Variants in CBLN2 observed in about 807,000 individuals in gnomAD.
CBLN2 encodes the protein cerebellin-2.
A neutral mutation model predicts 15.0 loss-of-function variants in CBLN2; 7 were observed. The ratio of observed to expected loss-of-function variants is 0.47; its 90% CI spans 0.27 to 0.88. The LOEUF is 0.88. Among genes scored for constraint, CBLN2 ranks in the 40% least tolerant of loss-of-function variants. The pLI is 0.14. For synonymous variants in CBLN2, 149 were observed against 135.2 expected, an observed-to-expected ratio of 1.10 and a Z score of -0.71; for missense variants, 242 against 304.5, an observed-to-expected ratio of 0.79 and a Z score of 1.53.
At chr18:72,583,387 G>T (rs1454661520) in intron 1 of CBLN2, among the ~76,000 whole-genome samples, 5 of 151,930 alleles carry the variant, frequency 3.3e-5, no homozygotes, top group Non-Finnish European at 5.9e-5. Context: ...TCTCACCCAC[G>T]CCCAGTCCCT....
rs563077022 is a variant in CBLN2, at chr18:72,555,296, C to T, written c.16-16524G>A. Reference sequence around the variant, plus strand: ...GTCAGAGATCTCAGAGTGCATGCATCTACTTTCAATATGTGTTCAAAAGTC... The same window carrying T: ...GTCAGAGATCTCAGAGTGCATGCATTTACTTTCAATATGTGTTCAAAAGTC... On this transcript the variant is annotated intron_variant, in intron 1 of 2. Coordinates refer to the CBLN2 transcript ENST00000581073. 5.3e-5 allele frequency among the ~76,000 whole-genome samples: 8 copies of T among 152,220 alleles called. No individual in the cohort carries two copies. In the South Asian group the frequency reaches 1.7e-3, roughly 32 times the overall value.
At chr18:72,558,380 G>A (rs1396204340) in intron 1 of CBLN2, among the ~76,000 whole-genome samples, 3 of 152,108 alleles carry the variant, frequency 2.0e-5, no homozygotes, top group East Asian at 3.9e-4. Flanking sequence ...CTCCACACTG[G>A]GTCTGTCCTG....
intron 1 of CBLN2, among the ~76,000 whole-genome samples, chr18:72,590,219 G>C (rs1276790131): frequency 6.6e-6 from 1 of 151,762 alleles, no homozygotes; most frequent in African/African-American, 2.4e-5. Flanking sequence ...GAGCTGAGAT[G>C]GCGCCACTGC....
intron 1 of CBLN2, among the ~76,000 whole-genome samples, chr18:72,554,467 A>C (rs569601776): frequency 6.6e-6 from 1 of 152,266 alleles, no homozygotes; most frequent in South Asian, 2.1e-4. Context: ...TAAGTTCTGG[A>C]GTTTAGAATT....
chr18:72,622,739 A>C (rs1176774332), intron 1 of CBLN2, among the ~76,000 whole-genome samples: 1 of 152,180 alleles, frequency 6.6e-6, no homozygotes, highest in Non-Finnish European at 1.5e-5. Flanking sequence ...CTTTGAGATC[A>C]CTTTTGATCA....
At chr18:72,618,675 G>C in intron 1 of CBLN2, 1 of 770,116 alleles carries the variant, frequency 1.3e-6, no homozygotes, top group Middle Eastern at 3.8e-4. Flanking sequence ...TTGAACTCAT[G>C]ACCGACTGAG....
At chr18:72,583,861 C>A (rs1341302175) in intron 1 of CBLN2, among the ~76,000 whole-genome samples, 1 of 152,204 alleles carries the variant, frequency 6.6e-6, no homozygotes, top group Non-Finnish European at 1.5e-5. Context: ...TGAAAAGTTG[C>A]CCTGGCAATG....
chr18:72,596,591 T>C (rs1294960352), intron 1 of CBLN2, among the ~76,000 whole-genome samples: 4 of 152,196 alleles, frequency 2.6e-5, no homozygotes, highest in Admixed American at 6.5e-5. Context: ...TAGCATTTCT[T>C]GTAGGATGAG....
chr18:72,590,874 G>C (rs1166291787), intron 1 of CBLN2, among the ~76,000 whole-genome samples: 5 of 152,160 alleles, frequency 3.3e-5, no homozygotes, highest in African/African-American at 1.2e-4. Flanking sequence ...AAACAAGCAT[G>C]CAAACAATAT....
At chr18:72,584,355 A>G (rs1202884887) in intron 1 of CBLN2, among the ~76,000 whole-genome samples, 1 of 151,010 alleles carries the variant, frequency 6.6e-6, no homozygotes, top group African/African-American at 2.4e-5. Flanking sequence ...CTCTGTCACC[A>G]GGCTGGAGTG....
At chr18:72,603,998 T>C (rs571774858) in intron 1 of CBLN2, among the ~76,000 whole-genome samples, 39 of 152,280 alleles carry the variant, frequency 2.6e-4, no homozygotes, top group African/African-American at 6.7e-4. Flanking sequence ...TCCCACTAGG[T>C]TGGAAACATC....
intron 1 of CBLN2, among the ~76,000 whole-genome samples, chr18:72,604,767 G>T (rs907034202): frequency 3.9e-4 from 59 of 152,206 alleles, no homozygotes; most frequent in African/African-American, 1.4e-3. Context: ...GATGCCCTCT[G>T]CAGAGTTCTA....
chr18:72,603,955 G>A (rs1428060425), intron 1 of CBLN2, among the ~76,000 whole-genome samples: 1 of 152,130 alleles, frequency 6.6e-6, no homozygotes, highest in Non-Finnish European at 1.5e-5. Flanking sequence ...CACAGTCTAC[G>A]CTAGGAGCTC....
At chr18:72,620,026 G>T (rs1363877472) in intron 1 of CBLN2, among the ~76,000 whole-genome samples, 1 of 152,226 alleles carries the variant, frequency 6.6e-6, no homozygotes, top group African/African-American at 2.4e-5. Context: ...AAGCGACCCA[G>T]CTGTCTGCTT....
At chr18:72,591,204 T>G (rs1403619656) in intron 1 of CBLN2, among the ~76,000 whole-genome samples, 1 of 152,208 alleles carries the variant, frequency 6.6e-6, no homozygotes, top group Non-Finnish European at 1.5e-5. Flanking sequence ...AAACACTAGA[T>G]ACAGTTGCTG....
intron 1 of CBLN2, among the ~76,000 whole-genome samples, chr18:72,553,930 T>C (rs1376238953): frequency 6.6e-6 from 1 of 152,200 alleles, no homozygotes; most frequent in Admixed American, 6.5e-5. Context: ...TCAGATTCGT[T>C]TTTCAGCTTA....
chr18:72,607,497 T>C lies in CBLN2; in HGVS notation c.15+30828A>G, dbSNP rs561726380. Among the ~76,000 whole-genome samples, 226 of 152,348 alleles carry C rather than the reference T, an allele frequency of 1.5e-3. 1 individual carries two copies. Among genetic ancestry groups the C allele is most frequent in the Non-Finnish European group, 2.7e-3 (184 of 68,022 alleles). The stretch of plus-strand genomic sequence containing the variant: ...GCTACCTTCTTTGTATTCAAGCTGT[T>C]AAACACAAAGTCTAAAAGCTTTCTT... On this transcript the variant is annotated intron_variant, in intron 1 of 2. Transcript: ENST00000581073.
At chr18:72,630,455 G>A (rs150293744) in intron 1 of CBLN2, among the ~76,000 whole-genome samples, 47 of 150,158 alleles carry the variant, frequency 3.1e-4, no homozygotes, top group African/African-American at 1.1e-3. Flanking sequence ...GAATAATTAC[G>A]GAAAGAAGAG....
chr18:72,544,298 GCCTCCGGC>G lies in CBLN2; in HGVS notation c.-541_-534del, dbSNP rs2069141827. ...CGGTTCCCGCAGGGCTAGAAGAGGG[GCCTCCGGC>G]CCGGGTCTGTGTGTCTGCTCCTCTG... On this transcript the variant is annotated 5_prime_UTR_variant, in exon 1 of 5. Coordinates refer to ENST00000269503, the MANE Select transcript of CBLN2 (RefSeq NM_182511.4). 1 of 152,260 alleles carries G rather than the reference GCCTCCGGC, an allele frequency of 6.6e-6. No individual in the cohort carries two copies. Among genetic ancestry groups the G allele is most frequent in the South Asian group, 2.1e-4 (1 of 4,836 alleles). 9.4% of individuals were successfully genotyped at this position (152,260 alleles called of 1,614,324 possible). A position where few individuals can be genotyped will look rare whatever the true frequency, so the allele number is the denominator to read the frequency against.
Sources: gnomAD v4.1 joint callset for allele counts (sites outside exome capture counted in the v4.1 genomes callset) on GRCh38, gnomAD v4.1.1 for gene constraint, MANE v1.5 for transcripts, NCBI Gene and HGNC (gene_info 2026-07-23, HGNC 2026-07-21) for gene names.